Variants in CDYL2 observed in about 807,000 individuals in gnomAD.
CDYL2 encodes the protein chromodomain Y like 2.
In CDYL2, 23 loss-of-function variants were observed where a neutral mutation model predicts 49.4. The ratio of observed to expected loss-of-function variants is 0.47; its 90% confidence interval spans 0.34 to 0.66. The LOEUF (loss-of-function observed/expected upper bound fraction) is 0.66, where lower values mean the gene tolerates loss of function less well. Ranked by LOEUF, CDYL2 falls within the 30% of genes least tolerant of loss-of-function variation. CDYL2 has a pLI of 0.01. For missense variants in CDYL2, 678 were observed against 656.4 expected, an observed-to-expected ratio of 1.03 and a Z score of -0.36; for synonymous variants, 360 against 268.8, an observed-to-expected ratio of 1.34 and a Z score of -3.32.
intron 4 of CDYL2, among the ~76,000 whole-genome samples, chr16:80,616,687 C>T (rs571549519): frequency 6.7e-4 from 102 of 152,300 alleles, no homozygotes; most frequent in African/African-American, 1.3e-3. Flanking sequence ...TTAGTCCAGG[C>T]GCCCACTCCC....
intron 1 of CDYL2, among the ~76,000 whole-genome samples, chr16:80,695,814 T>C (rs1173333249): frequency 2.0e-5 from 3 of 152,042 alleles, no homozygotes; most frequent in Admixed American, 2.0e-4. Flanking sequence ...GTTGAGACCT[T>C]CAACACACCA....
rs766469320 is a variant in CDYL2 at position 80,608,226 on chromosome 16, T to A, written c.1228A>T (p.Met410Leu). Residue 410 changes from methionine (M) to leucine (L), a missense_variant, in exon 6 of 7, where the codon ATG becomes TTG. Transcript: ENST00000570137. ...GTGAGCTTCCGCCCACAGAACAGCATCTCATTGGCCTGAAAAAGCAAAAGC... is the reference window on the plus strand; with the variant it reads ...GTGAGCTTCCGCCCACAGAACAGCAACTCATTGGCCTGAAAAAGCAAAAGC... The part of the protein sequence containing the change: ...QILGVALANE[M>L]LFCGRKLTAQ... 1.9e-6 allele frequency: 3 copies of A among 1,575,408 alleles called. No homozygotes were observed. The highest frequency in any genetic ancestry group is 8.6e-7 in the Non-Finnish European group (1 of 1,159,472).
At chr16:80,717,101 G>C (rs1904834882) in intron 1 of CDYL2, among the ~76,000 whole-genome samples, 2 of 150,698 alleles carry the variant, frequency 1.3e-5, no homozygotes, top group African/African-American at 2.5e-5. Context: ...TGATTGGGTT[G>C]ACAAATGGAT....
rs191620957 is a variant in CDYL2, at chr16:80,658,567, C to T, written c.617-25331G>A. 5.8e-4 allele frequency among the ~76,000 whole-genome samples: 89 copies of T among 152,148 alleles called. 3 individuals are homozygous for T. The Middle Eastern group carries it at 0.014, about 23-fold the overall frequency. On this transcript the variant is annotated intron_variant, in intron 2 of 6. Coordinates refer to ENST00000570137, the MANE Select transcript of CDYL2 (RefSeq NM_152342.4). ...TATGATATTGTGGAGAAATAGGATT[C>T]TCTCTGTGGAAGAAGACATACAAAT...
At chr16:80,772,684 C>T (rs1459810159) in intron 1 of CDYL2, among the ~76,000 whole-genome samples, 1 of 152,148 alleles carries the variant, frequency 6.6e-6, no homozygotes, top group African/African-American at 2.4e-5. Context: ...ATCTCCTGAC[C>T]TCATGATCCA....
At chr16:80,776,821 CTT>C (rs760175617) in intron 1 of CDYL2, among the ~76,000 whole-genome samples, 5 of 143,998 alleles carry the variant, frequency 3.5e-5, no homozygotes, top group Admixed American at 7.0e-5. Context: ...TATTACAAAA[CTT>C]TTTTTTTTTT....
chr16:80,604,292 C>T lies in CDYL2; in HGVS notation c.*96G>A. On this transcript the variant is annotated 3_prime_UTR_variant, in exon 7 of 7. Coordinates refer to ENST00000570137, the MANE Select transcript of CDYL2 (RefSeq NM_152342.4). ...GGACACAACCCTACGTATAAAGAGACACCTTGACAAACTCCTTGGCCGGGG... is the reference window on the plus strand; with the variant it reads ...GGACACAACCCTACGTATAAAGAGATACCTTGACAAACTCCTTGGCCGGGG... 7.4e-7 allele frequency: 1 copy of T among 1,359,514 alleles called. No homozygotes were observed. The highest frequency in any genetic ancestry group is 1.0e-6 in the Non-Finnish European group (1 of 968,130). 84.2% of individuals were successfully genotyped at this position (1,359,514 alleles called of 1,614,324 possible).
intron 2 of CDYL2, among the ~76,000 whole-genome samples, chr16:80,667,157 C>T (rs74028394): frequency 0.021 from 3,127 of 152,208 alleles, 115 homozygotes; most frequent in African/African-American, 0.073. Flanking sequence ...TTACTACTCA[C>T]GTGAGGGCTC....
At chr16:80,637,630 G>C (rs974740558) in intron 2 of CDYL2, among the ~76,000 whole-genome samples, 1 of 151,990 alleles carries the variant, frequency 6.6e-6, no homozygotes, top group Non-Finnish European at 1.5e-5. Context: ...GCACATACCA[G>C]CAATGAGCAA....
At position 80,615,353 on chromosome 16, in the gene CDYL2, G is replaced by C. The variant is rs187001326; in HGVS notation, c.1008-2517C>G. 7.2e-5 allele frequency among the ~76,000 whole-genome samples: 11 copies of C among 152,248 alleles called. No homozygotes were observed. The East Asian group carries it at 1.7e-3, about 24-fold the overall frequency. ...ATCCTTAGGGGTTTGGATGATTTTT[G>C]TCAAACATCCCATTCCTGAGTGACC... On this transcript the variant is annotated intron_variant, in intron 4 of 6. Coordinates refer to ENST00000570137, the MANE Select transcript of CDYL2 (RefSeq NM_152342.4).
intron 1 of CDYL2, among the ~76,000 whole-genome samples, chr16:80,692,754 A>T (rs901898190): frequency 6.6e-6 from 1 of 152,224 alleles, no homozygotes; most frequent in African/African-American, 2.4e-5. Flanking sequence ...GAAATGGTCA[A>T]ACATGAAGAA....
At chr16:80,622,925 C>T (rs1426452903) in intron 3 of CDYL2, among the ~76,000 whole-genome samples, 1 of 152,164 alleles carries the variant, frequency 6.6e-6, no homozygotes, top group African/African-American at 2.4e-5. Context: ...GCACCCCCAA[C>T]CCCTTGTGAG....
chr16:80,663,594 AT>A (rs149598138), intron 2 of CDYL2, among the ~76,000 whole-genome samples: 7 of 151,170 alleles, frequency 4.6e-5, no homozygotes, highest in South Asian at 2.1e-4. Flanking sequence ...AGATGTCTAA[AT>A]TTTTTTTTTC....
intron 1 of CDYL2, among the ~76,000 whole-genome samples, chr16:80,755,376 C>G (rs1201040281): frequency 6.6e-6 from 1 of 152,164 alleles, no homozygotes; most frequent in Non-Finnish European, 1.5e-5. Flanking sequence ...AAACAGAAAT[C>G]AGTGGAGAAC....
At position 80,633,171 on chromosome 16, in the gene CDYL2, T is replaced by C. The variant is rs776634178; in HGVS notation, c.682A>G (p.Lys228Glu). The change falls in exon 3 of 7, where the codon AAG (lysine) becomes GAG (glutamate). Residue 228 changes from lysine (K) to glutamate (E), a missense_variant. Around this residue, in one of 3 missense-constraint regions of CDYL2, gnomAD observed 478 missense variants for 427.0 expected, o/e 1.12. Coordinates refer to ENST00000570137, the MANE Select transcript of CDYL2 (RefSeq NM_152342.4). ...SPVKRKLEAE[K>E]DYVFDKRLRY... ...AGCCTTTTGTCAAAGACGTAGTCCTTCTCCGCTTCCAGCTTCCTCTTCACT... is the reference window on the plus strand; with the variant it reads ...AGCCTTTTGTCAAAGACGTAGTCCTCCTCCGCTTCCAGCTTCCTCTTCACT... The C allele has an allele frequency of 4.3e-6, 7 of 1,614,052 alleles. No individual in the cohort carries two copies. Among genetic ancestry groups the C allele is most frequent in the Non-Finnish European group, 5.9e-6 (7 of 1,180,030 alleles).
intron 3 of CDYL2, among the ~76,000 whole-genome samples, chr16:80,626,627 T>G (rs955234168): frequency 6.6e-6 from 1 of 152,116 alleles, no homozygotes; most frequent in Admixed American, 6.5e-5. Context: ...AGAAAGTACA[T>G]AGTGATAGAA....
At chr16:80,699,749 T>G (rs951121171) in intron 1 of CDYL2, among the ~76,000 whole-genome samples, 1 of 152,222 alleles carries the variant, frequency 6.6e-6, no homozygotes, top group Admixed American at 6.5e-5. Context: ...TTACACATTA[T>G]CTATATGTAT....
chr16:80,770,211 C>A (rs1458178122), intron 1 of CDYL2, among the ~76,000 whole-genome samples: 1 of 152,092 alleles, frequency 6.6e-6, no homozygotes, highest in Non-Finnish European at 1.5e-5. Context: ...AAGTAATAAT[C>A]AATCATATAA....
At chr16:80,781,168 C>T (rs1024372747) in intron 1 of CDYL2, among the ~76,000 whole-genome samples, 1 of 152,166 alleles carries the variant, frequency 6.6e-6, no homozygotes, top group African/African-American at 2.4e-5. Flanking sequence ...CACATCACAT[C>T]AGAAAACCAA....
Sources: gnomAD v4.1 joint callset for allele counts (sites outside exome capture counted in the v4.1 genomes callset) on GRCh38, gnomAD v4.1.1 for gene constraint, gnomAD v4.1.1 regional missense constraint, MANE v1.5 for transcripts, NCBI Gene and HGNC (gene_info 2026-07-23, HGNC 2026-07-21) for gene names.